Variants in SH3BP4 observed in about 807,000 individuals in gnomAD.
The protein encoded by SH3BP4 is SH3 domain binding protein 4, also known as SH3 domain-binding protein 4.
In SH3BP4, 33 loss-of-function variants were observed where a neutral mutation model predicts 65.5. That is an observed-to-expected ratio of 0.50 (90% CI 0.38 to 0.67). SH3BP4 has a LOEUF of 0.67. Among genes scored for constraint, SH3BP4 ranks in the 30% least tolerant of loss-of-function variants. The pLI is 0.00. For synonymous variants in SH3BP4, 552 were observed against 545.5 expected (o/e 1.01, Z -0.17); for missense variants, 1,134 against 1,261.4 (o/e 0.90, Z 1.53).
At chr2:234,981,779 C>T (rs899996999) in intron 1 of SH3BP4, 1 of 152,036 alleles carries the variant, frequency 6.6e-6, no homozygotes, top group Non-Finnish European at 1.5e-5. Context: ...CTTTGTTTTC[C>T]GAGTTGTTGC....
At chr2:235,032,338 A>G (rs1695232730) in intron 2 of SH3BP4, among the ~76,000 whole-genome samples, 1 of 152,258 alleles carries the variant, frequency 6.6e-6, no homozygotes, top group African/African-American at 2.4e-5. Flanking sequence ...GTGAAAGGCC[A>G]CATGGCAAGT....
chr2:235,047,925 T>G (rs773872149), intron 4 of SH3BP4, among the ~76,000 whole-genome samples: 4 of 152,226 alleles, frequency 2.6e-5, no homozygotes, highest in African/African-American at 4.8e-5. Context: ...GGAGGGTGGT[T>G]GTTTTGGGAG....
intron 2 of SH3BP4, among the ~76,000 whole-genome samples, chr2:235,001,570 C>T (rs965175228): frequency 1.3e-5 from 2 of 152,312 alleles, no homozygotes; most frequent in Non-Finnish European, 2.9e-5. Flanking sequence ...TCTTTGCTTG[C>T]TTACAGAACA....
chr2:235,013,247 G>A (rs915053798), intron 2 of SH3BP4, among the ~76,000 whole-genome samples: 1 of 152,192 alleles, frequency 6.6e-6, no homozygotes, highest in Non-Finnish European at 1.5e-5. Flanking sequence ...TCCCTGGCCT[G>A]TGTGGTTCGC....
chr2:235,030,425 C>A lies in SH3BP4; in HGVS notation c.-132-4446C>A, dbSNP rs760447580. Among the ~76,000 whole-genome samples, 7 of 152,208 alleles carry A rather than the reference C, an allele frequency of 4.6e-5. No individual in the cohort carries two copies. Among genetic ancestry groups the A allele is most frequent in the African/African-American group, 1.7e-4 (7 of 41,462 alleles). On this transcript the variant is annotated intron_variant, in intron 2 of 5. Transcript: ENST00000392011. This position sits in a 1 kb window ranked among gnomAD's most constrained non-coding sequence, Gnocchi z 4.1. ...AAAGTGCAGCCAAGTCTGGTACCTG[C>A]TGCCTAGGGCCCTTGAGGACGCAGT... is the stretch of plus-strand genomic sequence containing the variant.
intron 2 of SH3BP4, among the ~76,000 whole-genome samples, chr2:235,004,914 T>G (rs1694245826): frequency 6.6e-6 from 1 of 152,228 alleles, no homozygotes; most frequent in South Asian, 2.1e-4. Flanking sequence ...CCCTGGCTTT[T>G]GATTCCTTCT....
chr2:234,979,540 T>G (rs1042579991), intron 1 of SH3BP4: 3 of 152,244 alleles, frequency 2.0e-5, no homozygotes, highest in African/African-American at 4.8e-5. Context: ...TGAAGTCCCC[T>G]CCCTTTGGCG....
At chr2:234,985,541 C>G (rs1321395071) in intron 1 of SH3BP4, among the ~76,000 whole-genome samples, 1 of 152,034 alleles carries the variant, frequency 6.6e-6, no homozygotes, top group Non-Finnish European at 1.5e-5. Context: ...TTTTCACTCT[C>G]TGTGCACAGG....
At chr2:235,048,536 A>G (rs1695949978) in intron 4 of SH3BP4, among the ~76,000 whole-genome samples, 1 of 148,836 alleles carries the variant, frequency 6.7e-6, no homozygotes, top group African/African-American at 2.5e-5. Flanking sequence ...ACAAGGTTTG[A>G]TTGTGTTGCC....
At chr2:234,966,105 A>C (rs748950965) in intron 1 of SH3BP4, among the ~76,000 whole-genome samples, 5 of 152,208 alleles carry the variant, frequency 3.3e-5, no homozygotes, top group Admixed American at 6.5e-5. Flanking sequence ...GAGGCTGGGC[A>C]CGGTGGCTCA....
chr2:235,037,233 C>T (rs529461498), intron 3 of SH3BP4, among the ~76,000 whole-genome samples: 32 of 152,200 alleles, frequency 2.1e-4, no homozygotes, highest in African/African-American at 7.5e-4. Flanking sequence ...AGATAGAATT[C>T]GTTAGGGATT....
chr2:235,025,426 C>T (rs896107902), intron 2 of SH3BP4, among the ~76,000 whole-genome samples: 1 of 151,992 alleles, frequency 6.6e-6, no homozygotes, highest in Non-Finnish European at 1.5e-5. Context: ...GATAAGCAGC[C>T]GAGGGAAGGT....
intron 1 of SH3BP4, among the ~76,000 whole-genome samples, chr2:234,957,409 A>T (rs953055507): frequency 5.3e-5 from 8 of 151,540 alleles, no homozygotes; most frequent in Admixed American, 5.3e-4. Flanking sequence ...CTCACCATTC[A>T]TTGCACTGAG....
intron 4 of SH3BP4, among the ~76,000 whole-genome samples, chr2:235,049,778 C>T (rs922308882): frequency 1.3e-5 from 2 of 152,188 alleles, no homozygotes; most frequent in East Asian, 3.9e-4. Context: ...CCATGTGGGG[C>T]TCATGGAATT....
chr2:234,958,037 A>G (rs909194177), intron 1 of SH3BP4, among the ~76,000 whole-genome samples: 4 of 152,032 alleles, frequency 2.6e-5, no homozygotes, highest in Non-Finnish European at 5.9e-5. Context: ...CTAGAAAGGA[A>G]AAGAGTCTTC....
rs536832033 is a variant in SH3BP4, at chr2:235,023,275, G to A, written c.-132-11596G>A. Among the ~76,000 whole-genome samples the A allele has an allele frequency of 1.4e-4, 22 of 152,296 alleles. No individual in the cohort carries two copies. The East Asian group carries it at 3.1e-3, about 21-fold the overall frequency. On this transcript the variant is annotated intron_variant, in intron 2 of 5. Transcript: ENST00000392011. ...AATAATGGGAATTCAGGCTGGGCACGGTGGCTCACACCTATACTCTCAGCA... is the reference window on the plus strand; with the variant it reads ...AATAATGGGAATTCAGGCTGGGCACAGTGGCTCACACCTATACTCTCAGCA...
At position 235,034,991 on chromosome 2, in the gene SH3BP4, G is replaced by A. The variant is rs763512652; in HGVS notation, c.-12G>A. On this transcript the variant is annotated 5_prime_UTR_variant, in exon 3 of 6. Transcript: ENST00000392011. The surrounding 1 kb of genome is among the most constrained non-coding windows in gnomAD (Gnocchi z 6.2). ...AAGCCTTAGCGGCTTTACCCGGGAAGCGAGTTTCGAGATGGCGGCTCAGCG... is the reference window on the plus strand; with the variant it reads ...AAGCCTTAGCGGCTTTACCCGGGAAACGAGTTTCGAGATGGCGGCTCAGCG... The A allele has an allele frequency of 3.1e-6, 5 of 1,611,690 alleles. No individual in the cohort carries two copies. The Admixed American group carries it at 5.0e-5, about 16-fold the overall frequency.
chr2:234,956,755 C>T (rs771787206), intron 1 of SH3BP4, among the ~76,000 whole-genome samples: 34 of 151,684 alleles, frequency 2.2e-4, no homozygotes, highest in Non-Finnish European at 4.4e-4. Flanking sequence ...AATGGGGTTT[C>T]GCTATGTTGT....
chr2:234,973,437 C>G (rs1434246913), intron 1 of SH3BP4, among the ~76,000 whole-genome samples: 1 of 152,194 alleles, frequency 6.6e-6, no homozygotes, highest in Admixed American at 6.5e-5. Context: ...GCAGTATGTA[C>G]AGCCTCACTT....
Sources: gnomAD v4.1 joint callset for allele counts (sites outside exome capture counted in the v4.1 genomes callset) on GRCh38, gnomAD v4.1.1 for gene constraint, Gnocchi (gnomAD v3.1) non-coding constraint, MANE v1.5 for transcripts, NCBI Gene and HGNC (gene_info 2026-07-23, HGNC 2026-07-21) for gene names.